The following PCDHAC1 variants were observed in gnomAD, a reference collection of about 807,000 sequenced individuals.
PCDHAC1 encodes the protein protocadherin alpha subfamily C, 1.
PCDHAC1 carries 42 observed loss-of-function variants against 60.0 expected under a neutral mutation model. That is an observed-to-expected ratio of 0.70 (90% confidence interval 0.55 to 0.90). The LOEUF (loss-of-function observed/expected upper bound fraction) is 0.90. PCDHAC1 is among the 40% of genes least tolerant of loss of function. The probability of loss-of-function intolerance (pLI) is 0.00; values close to 1 mark genes in which losing one functional copy is unlikely to be tolerated. For missense variants in PCDHAC1, 1,160 were observed against 1,222.3 expected (o/e 0.95, Z 0.76); for synonymous variants, 468 against 499.3 (o/e 0.94, Z 0.84).
rs1296760547 is a variant in PCDHAC1 at position 140,927,418 on chromosome 5, C to T, written c.526C>T (p.Arg176Trp). Residue 176 changes from arginine to tryptophan, a missense_variant, in exon 1 of 4, where the codon CGG becomes TGG. Around this residue, in one of 3 missense-constraint regions of PCDHAC1, gnomAD observed 1,113 missense variants for 1,163.7 expected, o/e 0.96. Coordinates refer to ENST00000253807, the MANE Select transcript of PCDHAC1 (RefSeq NM_018898.5). Reference protein sequence around the residue: ...SQHFRLDMGSRVDGSEYPELV... With the variant: ...SQHFRLDMGSWVDGSEYPELV... ...GCACTTTCGCCTGGACATGGGATCG[C>T]GGGTTGACGGCAGCGAATACCCGGA... 1.9e-6 allele frequency: 3 copies of T among 1,614,106 alleles called. No individual in the cohort carries two copies. The highest frequency in any genetic ancestry group is 1.7e-5 in the Admixed American group (1 of 60,020).
At chr5:141,003,814 G>A (rs2098139841) in intron 3 of PCDHAC1, among the ~76,000 whole-genome samples, 1 of 152,088 alleles carries the variant, frequency 6.6e-6, no homozygotes, top group Admixed American at 6.6e-5. Context: ...CTGTAGTCTG[G>A]GAAGGGCTCT....
chr5:140,928,664 G>A lies in PCDHAC1; in HGVS notation c.1772G>A (p.Gly591Asp), dbSNP rs186350151. 2 of 1,614,214 alleles carry A rather than the reference G, an allele frequency of 1.2e-6. No homozygotes were observed. Among genetic ancestry groups the A allele is most frequent in the Non-Finnish European group, 1.7e-6 (2 of 1,180,040 alleles). ...TKVVAEDADS[G>D]SNAWLSYHIS... is the part of the protein sequence containing the mutation. ...GTGGTAGCAGAGGATGCTGACAGTG[G>A]TTCTAATGCCTGGCTTTCCTACCAC... The change falls in exon 1 of 4, where the codon GGT becomes GAT. Residue 591 changes from glycine to aspartate, a missense_variant. By Grantham distance (94) the Gly-to-Asp change is moderately conservative. This residue lies in a region of PCDHAC1 where 1,113 missense variants were observed against 1,163.7 expected (regional missense o/e 0.96). Transcript: ENST00000253807.
chr5:140,968,823 A>G (rs569036779), intron 1 of PCDHAC1: 3 of 1,614,192 alleles, frequency 1.9e-6, no homozygotes, highest in Non-Finnish European at 2.5e-6. Context: ...AGGGTTTCCA[A>G]AATCCTCCCT....
intron 1 of PCDHAC1, among the ~76,000 whole-genome samples, chr5:140,941,193 T>TC (rs1554213826): frequency 4.3e-5 from 5 of 116,722 alleles, no homozygotes; most frequent in African/African-American, 1.7e-4. Flanking sequence ...TTCTTTTTTT[T>TC]TCTTTCTTCC....
In PCDHAC1 at chr5:140,967,289, C is replaced by A. The variant is rs782440125; in HGVS notation, c.2434-11660C>A. ...CTTTCACATAGAGAGTGCGCAGGAC[C>A]CCGACGTGGGCGCCAACTCAGTACA... On this transcript the variant is annotated intron_variant, in intron 1 of 3. Transcript: ENST00000253807. 3 of 1,612,910 alleles carry A rather than the reference C, an allele frequency of 1.9e-6. No homozygotes were observed. The East Asian group carries it at 6.7e-5, about 36-fold the overall frequency.
intron 1 of PCDHAC1, chr5:140,968,791 C>G (rs2096270570): frequency 2.5e-6 from 4 of 1,614,076 alleles, no homozygotes; most frequent in Non-Finnish European, 3.4e-6. Flanking sequence ...CCTCTGTGGC[C>G]ATTACAGTAG....
intron 2 of PCDHAC1, among the ~76,000 whole-genome samples, chr5:140,981,353 C>G (rs551731316): frequency 6.6e-6 from 1 of 152,048 alleles, no homozygotes; most frequent in East Asian, 1.9e-4. Context: ...GCAGGTGGAT[C>G]ACTTGAGGTC....
chr5:140,992,363 G>T (rs1028043863), intron 3 of PCDHAC1, among the ~76,000 whole-genome samples: 2 of 152,136 alleles, frequency 1.3e-5, no homozygotes, highest in Non-Finnish European at 2.9e-5. Context: ...GAGAAAAATG[G>T]TTCCCATTAC....
At chr5:140,940,390 T>C (rs2092601477) in intron 1 of PCDHAC1, among the ~76,000 whole-genome samples, 1 of 152,194 alleles carries the variant, frequency 6.6e-6, no homozygotes. Flanking sequence ...ATTTTGGTTA[T>C]TGTGTTTTTC....
chr5:140,961,716 G>A (rs2095631233), intron 1 of PCDHAC1, among the ~76,000 whole-genome samples: 1 of 152,082 alleles, frequency 6.6e-6, no homozygotes, highest in African/African-American at 2.4e-5. Flanking sequence ...TCATTTCTAA[G>A]TGCTCATAAA....
chr5:140,954,724 C>T (rs2095079319), intron 1 of PCDHAC1, among the ~76,000 whole-genome samples: 1 of 152,196 alleles, frequency 6.6e-6, no homozygotes, highest in Admixed American at 6.5e-5. Context: ...TGTAGGTTGT[C>T]TTTTCACTCT....
intron 1 of PCDHAC1, among the ~76,000 whole-genome samples, chr5:140,945,069 A>G (rs550774069): frequency 6.6e-6 from 1 of 152,278 alleles, no homozygotes; most frequent in East Asian, 1.9e-4. Context: ...TACAGACTCC[A>G]CCAAAACACT....
intron 3 of PCDHAC1, among the ~76,000 whole-genome samples, chr5:141,000,361 GTCTCTC>G (rs148596731): frequency 0.13 from 3,495 of 26,124 alleles, 319 homozygotes; most frequent in Middle Eastern, 0.15. Context: ...GTCTCTCTCT[GTCTCTC>G]TCTCTCTCTC....
chr5:140,967,079 A>G (rs2096093467), intron 1 of PCDHAC1: 10 of 1,613,252 alleles, frequency 6.2e-6, no homozygotes, highest in Non-Finnish European at 8.5e-6. Flanking sequence ...CAACGAGCGC[A>G]TTGATCGGGA....
intron 1 of PCDHAC1, among the ~76,000 whole-genome samples, chr5:140,954,400 A>G (rs1349668578): frequency 6.6e-6 from 1 of 152,214 alleles, no homozygotes; most frequent in East Asian, 1.9e-4. Context: ...CAACCCCACC[A>G]ACAGGGTAAA....
At chr5:141,003,515 G>T (rs1402480495) in intron 3 of PCDHAC1, among the ~76,000 whole-genome samples, 1 of 152,114 alleles carries the variant, frequency 6.6e-6, no homozygotes, top group African/African-American at 2.4e-5. Context: ...GTTTCACCAT[G>T]TTCCCTAGGC....
At chr5:140,941,286 CTCTTTCTT>C (rs5871754) in intron 1 of PCDHAC1, among the ~76,000 whole-genome samples, 8 of 106,846 alleles carry the variant, frequency 7.5e-5, no homozygotes, top group East Asian at 5.2e-4. Context: ...TCCTTCCTTT[CTCTTTCTT>C]TCTTTCTTTC....
chr5:140,975,099 A>G (rs540357854), intron 1 of PCDHAC1, among the ~76,000 whole-genome samples: 1 of 152,152 alleles, frequency 6.6e-6, no homozygotes, highest in Non-Finnish European at 1.5e-5. Flanking sequence ...TTGTTTGGGG[A>G]CTGAGATCTC....
intron 2 of PCDHAC1, chr5:140,982,217 C>T (rs1257918481): frequency 3.9e-6 from 2 of 507,664 alleles, no homozygotes; most frequent in Non-Finnish European, 6.2e-6. Context: ...CGCCACATGG[C>T]GTTAATAAAA....
Sources: allele counts gnomAD v4.1 joint callset (sites outside exome capture counted in the v4.1 genomes callset), GRCh38; gene constraint gnomAD v4.1.1; regional missense constraint gnomAD v4.1.1; transcripts MANE v1.5; gene names NCBI Gene and HGNC (gene_info 2026-07-23, HGNC 2026-07-21).